The following ZCCHC7 variants were observed in gnomAD, a reference collection of about 807,000 sequenced individuals.
The protein encoded by ZCCHC7 is zinc finger CCHC domain-containing protein 7.
A neutral mutation model predicts 52.0 loss-of-function variants in ZCCHC7; 35 were observed. The ratio of observed to expected loss-of-function variants is 0.67; its 90% confidence interval spans 0.51 to 0.89. ZCCHC7 has a LOEUF of 0.89. Ranked by LOEUF, ZCCHC7 falls within the 40% of genes least tolerant of loss-of-function variation. The probability of loss-of-function intolerance (pLI) is 0.00; values close to 1 mark genes in which losing one functional copy is unlikely to be tolerated. For synonymous variants in ZCCHC7, 217 were observed against 221.5 expected (o/e 0.98, Z 0.18); for missense variants, 574 against 649.1 (o/e 0.88, Z 1.26).
intron 2 of ZCCHC7, among the ~76,000 whole-genome samples, chr9:37,226,105 GAAAC>G (rs1825083490): frequency 6.6e-6 from 1 of 152,130 alleles, no homozygotes; most frequent in East Asian, 1.9e-4. Flanking sequence ...TTTTTTGTAA[GAAAC>G]AAGGTCAGTA....
chr9:37,206,267 C>G (rs969302752), intron 2 of ZCCHC7, among the ~76,000 whole-genome samples: 1 of 151,294 alleles, frequency 6.6e-6, no homozygotes, highest in Non-Finnish European at 1.5e-5. Flanking sequence ...CCCTCTCTTC[C>G]CCTCCCGGCT....
chr9:37,166,770 G>A lies in ZCCHC7; in HGVS notation c.610+39828G>A, dbSNP rs373972961. 1.2e-4 allele frequency among the ~76,000 whole-genome samples: 18 copies of A among 152,086 alleles called. No individual in the cohort carries two copies. In the East Asian group the frequency reaches 1.5e-3, roughly 13 times the overall value. ...TTTATTTTCTCTTTGTTCAAAATAC[G>A]TTCTGATTTCCTTTGTGATTTCTCC... On this transcript the variant is annotated intron_variant, in intron 2 of 8. Coordinates refer to ENST00000336755, the MANE Select transcript of ZCCHC7 (RefSeq NM_032226.3).
intron 2 of ZCCHC7, among the ~76,000 whole-genome samples, chr9:37,127,683 G>T (rs1021838340): frequency 6.6e-6 from 1 of 152,028 alleles, no homozygotes; most frequent in African/African-American, 2.4e-5. Context: ...TATCTACCCT[G>T]TACACTGTTG....
At chr9:37,312,405 A>G (rs1829639495) in intron 5 of ZCCHC7, among the ~76,000 whole-genome samples, 1 of 152,214 alleles carries the variant, frequency 6.6e-6, no homozygotes, top group Admixed American at 6.5e-5. Context: ...CTCAGAGTAT[A>G]ATAGGAAAGG....
At chr9:37,334,338 G>T (rs1830564772) in intron 6 of ZCCHC7, among the ~76,000 whole-genome samples, 1 of 151,912 alleles carries the variant, frequency 6.6e-6, no homozygotes, top group Non-Finnish European at 1.5e-5. Context: ...GAGTGACATG[G>T]TAGATTACAG....
chr9:37,281,276 A>T (rs1427074446), intron 2 of ZCCHC7, among the ~76,000 whole-genome samples: 1 of 152,140 alleles, frequency 6.6e-6, no homozygotes, highest in African/African-American at 2.4e-5. Flanking sequence ...TCGGCCTCCC[A>T]CAGTGCTGGG....
At chr9:37,131,926 C>T (rs1438552319) in intron 2 of ZCCHC7, among the ~76,000 whole-genome samples, 1 of 152,158 alleles carries the variant, frequency 6.6e-6, no homozygotes, top group Non-Finnish European at 1.5e-5. Context: ...GCTTTCAGTG[C>T]CTATTACATA....
intron 2 of ZCCHC7, among the ~76,000 whole-genome samples, chr9:37,181,736 A>G (rs745563127): frequency 3.3e-5 from 5 of 152,236 alleles, no homozygotes; most frequent in Non-Finnish European, 5.9e-5. Context: ...ATGGAAAGGT[A>G]CTGTAATGGA....
At chr9:37,349,123 C>A (rs1414969911) in intron 6 of ZCCHC7, among the ~76,000 whole-genome samples, 2 of 152,080 alleles carry the variant, frequency 1.3e-5, no homozygotes, top group African/African-American at 4.8e-5. Flanking sequence ...TGGCACAATG[C>A]CAAATTGAAT....
At chr9:37,124,602 G>C (rs1032981411) in intron 1 of ZCCHC7, among the ~76,000 whole-genome samples, 1 of 152,134 alleles carries the variant, frequency 6.6e-6, no homozygotes, top group African/African-American at 2.4e-5. Context: ...TTATAAATGT[G>C]ATGAGTGTTT....
rs184544947 is a variant in ZCCHC7, at chr9:37,274,496, T to C, written c.611-27692T>C. On this transcript the variant is annotated intron_variant, in intron 2 of 8. Coordinates refer to ENST00000336755, the MANE Select transcript of ZCCHC7 (RefSeq NM_032226.3). The stretch of plus-strand genomic sequence containing the variant: ...CTGGAGTCACAGGTGCGTGCCACCA[T>C]GCCCGGCTAATTTTTGTAATTTAGT... Among the ~76,000 whole-genome samples the C allele has an allele frequency of 3.4e-4, 52 of 152,046 alleles. No homozygotes were observed. In the East Asian group the frequency reaches 0.01, roughly 29 times the overall value.
intron 2 of ZCCHC7, among the ~76,000 whole-genome samples, chr9:37,246,901 C>T (rs1480294121): frequency 1.3e-5 from 2 of 152,022 alleles, no homozygotes; most frequent in Admixed American, 1.3e-4. Context: ...GAGATGATTA[C>T]CATATGTATT....
At chr9:37,143,846 T>C (rs1448795701) in intron 2 of ZCCHC7, among the ~76,000 whole-genome samples, 1 of 151,850 alleles carries the variant, frequency 6.6e-6, no homozygotes, top group Non-Finnish European at 1.5e-5. Context: ...TTTTTGATTA[T>C]GATATTTTGA....
In ZCCHC7 at chr9:37,133,931, C is replaced by T. The variant is rs1292423416; in HGVS notation, c.610+6989C>T. Among the ~76,000 whole-genome samples, 3 of 152,286 alleles carry T rather than the reference C, an allele frequency of 2.0e-5. No individual in the cohort carries two copies. In the East Asian group the frequency reaches 5.8e-4, roughly 29 times the overall value. On this transcript the variant is annotated intron_variant, in intron 2 of 8. Coordinates refer to ENST00000336755, the MANE Select transcript of ZCCHC7 (RefSeq NM_032226.3). The stretch of plus-strand genomic sequence containing the variant: ...TAGAGTTGGGGTTTCAGCATGTTGG[C>T]TAGACTGGTCTTGAACTCCTGGCCT...
In ZCCHC7 at chr9:37,354,560, C is replaced by G; in HGVS notation, c.1084-150C>G. On this transcript the variant is annotated intron_variant, in intron 7 of 8. Coordinates refer to ENST00000336755, the MANE Select transcript of ZCCHC7 (RefSeq NM_032226.3). This position sits in a 1 kb window ranked among gnomAD's most constrained non-coding sequence, Gnocchi z 4.0. ...GGGGTTTAGGGCTGGGTGACCCTCC[C>G]AACACCCCAGCAAGGACCATATCCT... 1 of 554,180 alleles carries G rather than the reference C, an allele frequency of 1.8e-6. No homozygotes were observed. The highest frequency in any genetic ancestry group is 3.2e-6 in the Non-Finnish European group (1 of 314,242). 34.3% of individuals were successfully genotyped at this position (554,180 alleles called of 1,614,324 possible).
chr9:37,177,259 T>C (rs768535748), intron 2 of ZCCHC7, among the ~76,000 whole-genome samples: 49 of 152,090 alleles, frequency 3.2e-4, no homozygotes, highest in Non-Finnish European at 6.3e-4. Flanking sequence ...TGCTTGAACC[T>C]GGGAGGTGGA....
intron 5 of ZCCHC7, among the ~76,000 whole-genome samples, chr9:37,319,974 G>T (rs1033186705): frequency 1.3e-5 from 2 of 152,142 alleles, no homozygotes; most frequent in African/African-American, 4.8e-5. Flanking sequence ...GCTCTATTTT[G>T]TTGCACTGAT....
intron 2 of ZCCHC7, among the ~76,000 whole-genome samples, chr9:37,276,234 T>A (rs931588643): frequency 6.6e-6 from 1 of 152,204 alleles, no homozygotes; most frequent in African/African-American, 2.4e-5. Flanking sequence ...CTTAATAACT[T>A]GAAGGGGTTA....
intron 2 of ZCCHC7, among the ~76,000 whole-genome samples, chr9:37,151,363 C>T (rs1395295994): frequency 6.6e-6 from 1 of 152,106 alleles, no homozygotes. Context: ...GTATATAAAA[C>T]GATCATTCTG....
Sources: allele counts gnomAD v4.1 joint callset (sites outside exome capture counted in the v4.1 genomes callset), GRCh38; gene constraint gnomAD v4.1.1; non-coding constraint Gnocchi (gnomAD v3.1); transcripts MANE v1.5; gene names NCBI Gene and HGNC (gene_info 2026-07-23, HGNC 2026-07-21).